Variants in ACSBG1 observed in about 807,000 individuals in gnomAD.
ACSBG1 encodes the protein long-chain-fatty-acid--CoA ligase ACSBG1.
ACSBG1 carries 39 observed loss-of-function variants against 80.2 expected under a neutral mutation model. That is an observed-to-expected ratio of 0.49 (90% CI 0.38 to 0.64). The LOEUF is 0.64. Ranked by LOEUF, ACSBG1 falls within the 30% of genes least tolerant of loss-of-function variation. The pLI is 0.00. For synonymous variants in ACSBG1, 392 were observed against 379.5 expected, an observed-to-expected ratio of 1.03 and a Z score of -0.38; for missense variants, 828 against 966.4, an observed-to-expected ratio of 0.86 and a Z score of 1.90.
chr15:78,182,389 T>C, intron 7 of ACSBG1, 77 bp downstream of exon 7: 2 of 1,565,256 alleles, frequency 1.3e-6, no homozygotes, highest in Non-Finnish European at 1.7e-6. Flanking sequence ...TCCCAGGGGC[T>C]ACTGGGGCAG....
Position 78,169,019 on chromosome 15 carries a change from G to A in ACSBG1, c.*2425C>T. 1 of 1,531,534 alleles carries A rather than the reference G, an allele frequency of 6.5e-7. No individual in the cohort carries two copies. The highest frequency in any genetic ancestry group is 9.0e-7 in the Non-Finnish European group (1 of 1,108,378). The allele number at this position is 1,531,534 out of a possible 1,614,324, so 94.9% of individuals were successfully genotyped here. On this transcript the variant is annotated 3_prime_UTR_variant, in exon 14 of 14. Coordinates refer to ENST00000258873, the MANE Select transcript of ACSBG1 (RefSeq NM_015162.5). ...GATTTAGATTAACACTTCTACAACT[G>A]GCATTTACATCAGTCACTCTAAATG...
chr15:78,173,425 A>G (rs140781994), intron 13 of ACSBG1, among the ~76,000 whole-genome samples, 168 bp downstream of exon 13: 184 of 150,604 alleles, frequency 1.2e-3, no homozygotes, highest in African/African-American at 4.4e-3. Flanking sequence ...CCACAAGCCC[A>G]TGCATGGAGC....
At chr15:78,182,821 AGAGAAAT>A in intron 5 of ACSBG1, 36 bp from the exon 6 acceptor site, 1 of 1,609,296 alleles carries the variant, frequency 6.2e-7, no homozygotes, top group Non-Finnish European at 8.5e-7. Context: ...GGTTTCAGTA[AGAGAAAT>A]GTCACCTTCT....
chr15:78,224,035 A>G (rs540409027), intron 1 of ACSBG1, among the ~76,000 whole-genome samples: 1 of 152,292 alleles, frequency 6.6e-6, no homozygotes, highest in African/African-American at 2.4e-5. Context: ...ACTTTAGCCC[A>G]CCGAAACCAA....
intron 8 of ACSBG1, 187 bp from the exon 9 acceptor site, chr15:78,181,123 T>C: frequency 1.5e-6 from 1 of 675,096 alleles, no homozygotes. Flanking sequence ...CACAGAACCC[T>C]GGTGGCAGGC....
chr15:78,195,643 C>A (rs1374797589), intron 2 of ACSBG1, among the ~76,000 whole-genome samples: 2 of 152,196 alleles, frequency 1.3e-5, no homozygotes, highest in African/African-American at 2.4e-5. Flanking sequence ...AAGCTTTGAC[C>A]TATGGCTGGT....
chr15:78,216,350 G>A (rs1414858032), intron 1 of ACSBG1, among the ~76,000 whole-genome samples: 2 of 152,184 alleles, frequency 1.3e-5, no homozygotes, highest in Non-Finnish European at 2.9e-5. Flanking sequence ...CAGGCTTGGG[G>A]AGGGGGTATA....
At chr15:78,212,885 T>C (rs1457709097) in intron 1 of ACSBG1, among the ~76,000 whole-genome samples, 1 of 152,178 alleles carries the variant, frequency 6.6e-6, no homozygotes, top group Non-Finnish European at 1.5e-5. Context: ...CAATGGAGAA[T>C]GCCTCGCAGG....
intron 1 of ACSBG1, among the ~76,000 whole-genome samples, chr15:78,222,243 A>AG (rs2075364805): frequency 6.6e-6 from 1 of 152,250 alleles, no homozygotes; most frequent in African/African-American, 2.4e-5. Flanking sequence ...GTCCAGAATA[A>AG]GCAAATCTAT....
intron 9 of ACSBG1, 94 bp downstream of exon 9, chr15:78,180,661 C>G (rs544929691): frequency 6.7e-7 from 1 of 1,486,326 alleles, no homozygotes; most frequent in Non-Finnish European, 9.0e-7. Context: ...CCACTGGAAC[C>G]GGGACAGGCA....
chr15:78,196,080 A>T (rs1218506506), intron 2 of ACSBG1, among the ~76,000 whole-genome samples: 1 of 152,196 alleles, frequency 6.6e-6, no homozygotes, highest in African/African-American at 2.4e-5. Flanking sequence ...AGCCTGCAGG[A>T]AATGCAGGCG....
intron 1 of ACSBG1, among the ~76,000 whole-genome samples, chr15:78,216,353 G>C (rs546698836): frequency 1.3e-5 from 2 of 152,270 alleles, no homozygotes; most frequent in South Asian, 4.2e-4. Context: ...GCTTGGGGAG[G>C]GGGTATAATG....
In ACSBG1 at chr15:78,224,523, C is replaced by T. The variant is rs188239615; in HGVS notation, c.131+9848G>A. Among the ~76,000 whole-genome samples the T allele has an allele frequency of 7.7e-4, 117 of 151,974 alleles. 1 individual carries two copies. The highest frequency in any genetic ancestry group is 2.4e-3 in the African/African-American group (98 of 41,454). On this transcript the variant is annotated intron_variant, in intron 1 of 13. Transcript: ENST00000258873. Reference sequence around the variant, plus strand: ...TCACAAGATCAGGAGATCGAGGCCACCCTGGCTAACACGGTGAAACCCTGT... The same window carrying T: ...TCACAAGATCAGGAGATCGAGGCCATCCTGGCTAACACGGTGAAACCCTGT...
At chr15:78,230,499 C>A (rs2075437156) in intron 1 of ACSBG1, among the ~76,000 whole-genome samples, 1 of 152,220 alleles carries the variant, frequency 6.6e-6, no homozygotes, top group South Asian at 2.1e-4. Flanking sequence ...GAGCAGCCAC[C>A]ATGGCCACAA....
Position 78,234,259 on chromosome 15 carries a change from T to C in ACSBG1, c.131+112A>G, listed in dbSNP as rs530167472. ...CAGATCCTTCCCTTCATTTCCCAGG[T>C]GAAGAAACTGAGGCTCAGAGAGAGA... On this transcript the variant is annotated intron_variant, in intron 1 of 13. Transcript: ENST00000258873. 9.8e-6 allele frequency: 14 copies of C among 1,427,804 alleles called. No individual in the cohort carries two copies. In the South Asian group the frequency reaches 1.3e-4, roughly 14 times the overall value. 88.4% of individuals were successfully genotyped at this position (1,427,804 alleles called of 1,614,324 possible). A position where few individuals can be genotyped will look rare whatever the true frequency, so the allele number is the denominator to read the frequency against.
intron 2 of ACSBG1, 144 bp from the exon 3 acceptor site, chr15:78,194,870 A>G: frequency 1.3e-6 from 1 of 753,646 alleles, no homozygotes; most frequent in East Asian, 2.7e-5. Flanking sequence ...AGACTGGGGT[A>G]GACTGGGGTA....
At chr15:78,230,088 T>C (rs1421952965) in intron 1 of ACSBG1, among the ~76,000 whole-genome samples, 1 of 152,144 alleles carries the variant, frequency 6.6e-6, no homozygotes, top group Admixed American at 6.5e-5. Flanking sequence ...GAGACCGGTG[T>C]CTCCACTGGA....
At chr15:78,232,956 C>T (rs2075459825) in intron 1 of ACSBG1, among the ~76,000 whole-genome samples, 1 of 152,222 alleles carries the variant, frequency 6.6e-6, no homozygotes. Flanking sequence ...GCTGGGATTA[C>T]AGGCATGAGC....
chr15:78,219,390 G>GAGTA (rs1398942810), intron 1 of ACSBG1, among the ~76,000 whole-genome samples: 1 of 125,486 alleles, frequency 8.0e-6, no homozygotes, highest in African/African-American at 3.1e-5. Flanking sequence ...CTGGGTGACA[G>GAGTA]AGTAAGGCTT....
Sources: gnomAD v4.1 joint callset for allele counts (sites outside exome capture counted in the v4.1 genomes callset) on GRCh38, gnomAD v4.1.1 for gene constraint, MANE v1.5 for transcripts, NCBI Gene and HGNC (gene_info 2026-07-23, HGNC 2026-07-21) for gene names.